Variants in DSE observed in about 807,000 individuals in gnomAD.
DSE encodes the protein dermatan-sulfate epimerase.
Under a neutral mutation model 84.4 loss-of-function variants are expected in DSE, and 36 were observed. The ratio of observed to expected loss-of-function variants is 0.43; its 90% CI spans 0.33 to 0.56. DSE has a LOEUF of 0.56. DSE is among the 20% of genes least tolerant of loss of function. The pLI, the probability that DSE is intolerant of heterozygous loss-of-function variation, is 0.06. For missense variants in DSE, 862 were observed against 1,169.6 expected, an observed-to-expected ratio of 0.74 and a Z score of 3.84; for synonymous variants, 410 against 430.1, an observed-to-expected ratio of 0.95 and a Z score of 0.58.
At chr6:116,327,363 C>G (rs898433188) in intron 2 of DSE, among the ~76,000 whole-genome samples, 1 of 152,184 alleles carries the variant, frequency 6.6e-6, no homozygotes, top group Non-Finnish European at 1.5e-5. Flanking sequence ...ATAAGGTGAA[C>G]AGTAAGTAAA....
chr6:116,379,104 G>T (rs925961348), intron 1 of DSE, among the ~76,000 whole-genome samples: 2 of 152,024 alleles, frequency 1.3e-5, no homozygotes, highest in Non-Finnish European at 2.9e-5. Flanking sequence ...TAGGCCTGTG[G>T]TTCTGTTTTT....
At chr6:116,343,102 C>T (rs1175788051) in intron 2 of DSE, among the ~76,000 whole-genome samples, 3 of 152,148 alleles carry the variant, frequency 2.0e-5, no homozygotes, top group Admixed American at 6.5e-5. Flanking sequence ...GCGGGAGGGG[C>T]GTCTGCCATT....
chr6:116,256,367 CTGAACAGCATGTTG>C (rs1772142112), intron 1 of DSE: 1 of 152,198 alleles, frequency 6.6e-6, no homozygotes, highest in South Asian at 2.1e-4. Flanking sequence ...GGCTACAAAC[CTGAACAGCATGTTG>C]CTGTACTGAA....
intron 2 of DSE, among the ~76,000 whole-genome samples, chr6:116,324,463 C>T (rs1223238767): frequency 6.6e-6 from 1 of 152,160 alleles, no homozygotes; most frequent in African/African-American, 2.4e-5. Context: ...CAACTCCACC[C>T]CCTTGTAGCT....
intron 2 of DSE, among the ~76,000 whole-genome samples, chr6:116,260,607 T>C (rs565225828): frequency 4.6e-5 from 7 of 152,202 alleles, no homozygotes; most frequent in Non-Finnish European, 1.0e-4. Context: ...AGGGTTTTTA[T>C]AGTTTTGGGT....
At chr6:116,266,912 G>C (rs766880178) in intron 2 of DSE, among the ~76,000 whole-genome samples, 4 of 152,158 alleles carry the variant, frequency 2.6e-5, no homozygotes, top group Admixed American at 2.0e-4. Context: ...TTCATCAAAT[G>C]ATGGATCACA....
rs1227056257 is a variant in DSE, at chr6:116,438,038, A to G, written c.*693A>G. On this transcript the variant is annotated 3_prime_UTR_variant, in exon 6 of 6. Coordinates refer to ENST00000644252, the MANE Select transcript of DSE (RefSeq NM_013352.4). ...TGCACACATATGCTTGGTTACTTGCATGCATTCATTGGTTGTTCAATAAGT... is the reference window on the plus strand; with the variant it reads ...TGCACACATATGCTTGGTTACTTGCGTGCATTCATTGGTTGTTCAATAAGT... 1 of 151,678 alleles carries G rather than the reference A, an allele frequency of 6.6e-6. No homozygotes were observed. The highest frequency in any genetic ancestry group is 1.5e-5 in the Non-Finnish European group (1 of 67,824). The allele number at this position is 151,678 out of a possible 1,614,324, so 9.4% of individuals were successfully genotyped here. A position where few individuals can be genotyped will look rare whatever the true frequency, so the allele number is the denominator to read the frequency against.
intron 2 of DSE, among the ~76,000 whole-genome samples, chr6:116,353,461 A>C (rs1034138901): frequency 1.3e-5 from 2 of 152,178 alleles, no homozygotes; most frequent in African/African-American, 2.4e-5. Flanking sequence ...TTTCCAGAAA[A>C]ATCTTATAAA....
At chr6:116,318,009 A>C (rs1156987427) in intron 2 of DSE, among the ~76,000 whole-genome samples, 1 of 152,246 alleles carries the variant, frequency 6.6e-6, no homozygotes, top group African/African-American at 2.4e-5. Context: ...TTAAACCTCA[A>C]ATAGTATAAA....
At chr6:116,377,994 C>T (rs1171686513) in intron 1 of DSE, among the ~76,000 whole-genome samples, 2 of 152,110 alleles carry the variant, frequency 1.3e-5, no homozygotes, top group Non-Finnish European at 2.9e-5. Flanking sequence ...GGCAGGCTCA[C>T]CAACCCCATG....
chr6:116,316,214 T>G (rs1775968927), intron 2 of DSE, among the ~76,000 whole-genome samples: 1 of 152,212 alleles, frequency 6.6e-6, no homozygotes, highest in Non-Finnish European at 1.5e-5. Context: ...AGATTGAACC[T>G]TTTGTTTAAA....
chr6:116,381,920 TGAAGGA>T (rs2114948214), intron 1 of DSE, among the ~76,000 whole-genome samples: 1 of 152,274 alleles, frequency 6.6e-6, no homozygotes, highest in Admixed American at 6.5e-5. Flanking sequence ...TTTGAGGCTA[TGAAGGA>T]GAACCTGTAC....
At chr6:116,411,429 G>T (rs1782347365) in intron 2 of DSE, among the ~76,000 whole-genome samples, 1 of 152,214 alleles carries the variant, frequency 6.6e-6, no homozygotes, top group African/African-American at 2.4e-5. Flanking sequence ...GAAACATTGT[G>T]CAGGCTGCAC....
chr6:116,423,132 A>C (rs1263624103), intron 2 of DSE: 4 of 152,208 alleles, frequency 2.6e-5, no homozygotes, highest in Non-Finnish European at 4.4e-5. Context: ...AGCAAGTGTC[A>C]GCTGTATTTG....
chr6:116,381,664 G>T (rs1466285533), intron 1 of DSE, among the ~76,000 whole-genome samples: 1 of 152,084 alleles, frequency 6.6e-6, no homozygotes, highest in Non-Finnish European at 1.5e-5. Flanking sequence ...CAATCTACGT[G>T]AAATATGTAG....
At chr6:116,370,785 G>A (rs1466817271), upstream of DSE, 5 of 974,632 alleles carry the variant, frequency 5.1e-6, no homozygotes, top group Middle Eastern at 5.2e-4. Flanking sequence ...GTCGGGGTTC[G>A]GCCGGGGGAG....
chr6:116,317,614 G>A (rs971124154), intron 2 of DSE, among the ~76,000 whole-genome samples: 5 of 152,216 alleles, frequency 3.3e-5, no homozygotes. Context: ...AAAGGGGTGT[G>A]TGTGTTGTTT....
chr6:116,285,347 G>A (rs1244677808), intron 2 of DSE, among the ~76,000 whole-genome samples: 1 of 152,086 alleles, frequency 6.6e-6, no homozygotes, highest in Non-Finnish European at 1.5e-5. Flanking sequence ...CATATCCCTC[G>A]CCCACTTTTT....
At chr6:116,341,978 CT>C (rs1468851772) in intron 2 of DSE, among the ~76,000 whole-genome samples, 2 of 152,048 alleles carry the variant, frequency 1.3e-5, no homozygotes, top group African/African-American at 4.8e-5. Flanking sequence ...AATGCGGGCT[CT>C]TTTTTGGTTC....
Sources: allele counts gnomAD v4.1 joint callset (sites outside exome capture counted in the v4.1 genomes callset), GRCh38; gene constraint gnomAD v4.1.1; transcripts MANE v1.5; gene names NCBI Gene and HGNC (gene_info 2026-07-23, HGNC 2026-07-21).